Variants in THSD7B observed in about 807,000 individuals in gnomAD.
THSD7B encodes thrombospondin type 1 domain containing 7B.
A neutral mutation model predicts 213.6 loss-of-function variants in THSD7B; 138 were observed. The ratio of observed to expected loss-of-function variants is 0.65; its 90% CI spans 0.56 to 0.74. The LOEUF (loss-of-function observed/expected upper bound fraction) is 0.74. Among genes scored for constraint, THSD7B ranks in the 30% least tolerant of loss-of-function variants. The pLI, the probability that THSD7B is intolerant of heterozygous loss-of-function variation, is 0.00. For synonymous variants in THSD7B, 742 were observed against 687.0 expected (o/e 1.08, Z -1.25); for missense variants, 1,931 against 1,991.5 (o/e 0.97, Z 0.58).
chr2:137,553,554 C>G (rs1680892627), intron 15 of THSD7B, among the ~76,000 whole-genome samples: 1 of 152,174 alleles, frequency 6.6e-6, no homozygotes, highest in South Asian at 2.1e-4. Flanking sequence ...TATAAAAACA[C>G]AATTCCCATG....
At chr2:136,817,406 CT>C (rs70975714) in intron 1 of THSD7B, among the ~76,000 whole-genome samples, 24,126 of 150,412 alleles carry the variant, frequency 0.16, 2,346 homozygotes, top group East Asian at 0.39. Flanking sequence ...GTTGCCATTG[CT>C]TTTGGTGTTT....
intron 1 of THSD7B, among the ~76,000 whole-genome samples, chr2:136,839,425 G>T (rs183346088): frequency 6.6e-6 from 1 of 152,282 alleles, no homozygotes; most frequent in East Asian, 1.9e-4. Flanking sequence ...GTTCAACATG[G>T]TTAGTTTTGA....
At chr2:137,501,054 G>A (rs1679691626) in intron 15 of THSD7B, among the ~76,000 whole-genome samples, 1 of 152,112 alleles carries the variant, frequency 6.6e-6, no homozygotes, top group Non-Finnish European at 1.5e-5. Flanking sequence ...GTGCATGGCA[G>A]GGGCAGTTAA....
At chr2:137,057,736 A>G (rs959850090) in intron 3 of THSD7B, among the ~76,000 whole-genome samples, 2 of 152,168 alleles carry the variant, frequency 1.3e-5, no homozygotes, top group Non-Finnish European at 2.9e-5. Flanking sequence ...TATACTAGCA[A>G]TAATACCGAA....
At chr2:137,547,861 G>A (rs1250708805) in intron 15 of THSD7B, among the ~76,000 whole-genome samples, 2 of 152,000 alleles carry the variant, frequency 1.3e-5, no homozygotes, top group Non-Finnish European at 1.5e-5. Context: ...TAGCATGGTG[G>A]GCCCGTAGCT....
At chr2:137,118,432 G>A (rs2104941624) in intron 5 of THSD7B, among the ~76,000 whole-genome samples, 1 of 152,232 alleles carries the variant, frequency 6.6e-6, no homozygotes, top group South Asian at 2.1e-4. Flanking sequence ...ATAAATTTAA[G>A]TGGCATAGAA....
At chr2:136,774,202 T>C (rs1681562059) in intron 1 of THSD7B, among the ~76,000 whole-genome samples, 1 of 152,126 alleles carries the variant, frequency 6.6e-6, no homozygotes. Flanking sequence ...AAAAGTAACC[T>C]TTAACTAAGA....
intron 2 of THSD7B, among the ~76,000 whole-genome samples, chr2:137,035,418 G>C (rs750013196): frequency 2.6e-5 from 4 of 152,066 alleles, no homozygotes; most frequent in African/African-American, 9.7e-5. Flanking sequence ...ATTGTAGAGA[G>C]GCATGTTTCT....
chr2:137,157,504 G>A (rs558450613), intron 5 of THSD7B, among the ~76,000 whole-genome samples: 4 of 152,252 alleles, frequency 2.6e-5, no homozygotes, highest in African/African-American at 7.2e-5. Context: ...TCATTCTACA[G>A]TTATTTTTGG....
At chr2:137,061,306 A>AT (rs1687265551) in intron 3 of THSD7B, among the ~76,000 whole-genome samples, 1 of 151,478 alleles carries the variant, frequency 6.6e-6, no homozygotes, top group Non-Finnish European at 1.5e-5. Context: ...ATCTGCAAAA[A>AT]AAAAAGGAAA....
intron 12 of THSD7B, among the ~76,000 whole-genome samples, chr2:137,306,138 G>A (rs1190215153): frequency 6.6e-6 from 1 of 152,106 alleles, no homozygotes; most frequent in African/African-American, 2.4e-5. Context: ...TTATATGACT[G>A]GAGAGCTCAG....
At chr2:137,309,035 A>G (rs1433502070) in intron 12 of THSD7B, among the ~76,000 whole-genome samples, 2 of 152,130 alleles carry the variant, frequency 1.3e-5, no homozygotes, top group South Asian at 2.1e-4. Context: ...TGAGTCAAAG[A>G]GCAGGAATCT....
At chr2:136,914,680 A>G (rs903312084) in intron 2 of THSD7B, among the ~76,000 whole-genome samples, 6 of 151,838 alleles carry the variant, frequency 4.0e-5, no homozygotes, top group Non-Finnish European at 8.8e-5. Flanking sequence ...CTCCTGCCAC[A>G]GCCATGTAAA....
intron 17 of THSD7B, among the ~76,000 whole-genome samples, chr2:137,614,787 C>T (rs1682352730): frequency 6.6e-6 from 1 of 152,006 alleles, no homozygotes; most frequent in Non-Finnish European, 1.5e-5. Flanking sequence ...ATCAATGGTC[C>T]AAACTTTTAC....
chr2:137,177,317 C>G (rs1175466127), intron 7 of THSD7B, among the ~76,000 whole-genome samples: 1 of 152,082 alleles, frequency 6.6e-6, no homozygotes, highest in Non-Finnish European at 1.5e-5. Context: ...TGGAGGGGGA[C>G]TAGGTTACTC....
intron 27 of THSD7B, among the ~76,000 whole-genome samples, chr2:137,673,478 C>T (rs1386315865): frequency 6.6e-6 from 1 of 152,078 alleles, no homozygotes; most frequent in East Asian, 1.9e-4. Flanking sequence ...ATGTGCCAGG[C>T]ATTTATGGGT....
At chr2:137,530,325 T>C (rs1680373342) in intron 15 of THSD7B, among the ~76,000 whole-genome samples, 3 of 151,984 alleles carry the variant, frequency 2.0e-5, no homozygotes, top group Admixed American at 2.0e-4. Flanking sequence ...TTTATGAGAT[T>C]TTCATGGGGT....
intron 2 of THSD7B, among the ~76,000 whole-genome samples, chr2:137,023,753 G>C (rs1268376141): frequency 6.6e-6 from 1 of 152,168 alleles, no homozygotes; most frequent in Non-Finnish European, 1.5e-5. Flanking sequence ...GAGCATGGGA[G>C]ATGTGATGGC....
chr2:137,608,447 C>T (rs1199240819), intron 17 of THSD7B, among the ~76,000 whole-genome samples: 2 of 151,848 alleles, frequency 1.3e-5, no homozygotes, highest in Non-Finnish European at 2.9e-5. Context: ...TACTGAGGAG[C>T]AAATTAGACC....
Sources: allele counts gnomAD v4.1 joint callset (sites outside exome capture counted in the v4.1 genomes callset), GRCh38; gene constraint gnomAD v4.1.1; transcripts MANE v1.5; gene names NCBI Gene and HGNC (gene_info 2026-07-23, HGNC 2026-07-21).